The following SPAG16 variants were observed in gnomAD, a reference collection of about 807,000 sequenced individuals.
The protein encoded by SPAG16 is sperm-associated antigen 16 protein.
A neutral mutation model predicts 80.4 loss-of-function variants in SPAG16; 86 were observed. That is an observed-to-expected ratio of 1.07 (90% confidence interval 0.90 to 1.28). The LOEUF (loss-of-function observed/expected upper bound fraction) is 1.28, where lower values mean the gene tolerates loss of function less well. Among genes scored for constraint, SPAG16 ranks in the 50% most tolerant of loss-of-function variants. The pLI is 0.00. For synonymous variants in SPAG16, 294 were observed against 265.9 expected, an observed-to-expected ratio of 1.11 and a Z score of -1.03; for missense variants, 870 against 765.3, an observed-to-expected ratio of 1.14 and a Z score of -1.61.
At chr2:214,399,996 C>A (rs909901245) in intron 15 of SPAG16, among the ~76,000 whole-genome samples, 2 of 152,054 alleles carry the variant, frequency 1.3e-5, no homozygotes, top group African/African-American at 4.8e-5. Flanking sequence ...TTAATGAAAG[C>A]AGGTGGCTGT....
At chr2:213,524,834 A>T (rs1372364915) in intron 10 of SPAG16, among the ~76,000 whole-genome samples, 2 of 152,172 alleles carry the variant, frequency 1.3e-5, no homozygotes, top group Non-Finnish European at 2.9e-5. Context: ...CTTGTCTAAG[A>T]AGAGACTTTG....
chr2:213,797,038 A>G (rs2071084650), intron 10 of SPAG16, among the ~76,000 whole-genome samples: 1 of 99,828 alleles, frequency 1.0e-5, no homozygotes, highest in Non-Finnish European at 2.5e-5. Context: ...GTTTTTAACA[A>G]AAAAATTAAA....
intron 10 of SPAG16, among the ~76,000 whole-genome samples, chr2:213,796,858 G>A (rs2071068707): frequency 6.6e-6 from 1 of 151,914 alleles, no homozygotes; most frequent in Admixed American, 6.6e-5. Context: ...TCTCAGGCAG[G>A]TCCTTCAGGA....
At chr2:214,302,979 CT>C (rs1316400872) in intron 15 of SPAG16, among the ~76,000 whole-genome samples, 1 of 152,112 alleles carries the variant, frequency 6.6e-6, no homozygotes, top group Non-Finnish European at 1.5e-5. Context: ...TATGATACAG[CT>C]TTTTCTACCA....
chr2:213,467,912 G>A (rs527470605), intron 9 of SPAG16, among the ~76,000 whole-genome samples: 9 of 152,294 alleles, frequency 5.9e-5, no homozygotes, highest in African/African-American at 1.9e-4. Context: ...GGGATTCTGG[G>A]TTTTTAAGCC....
intron 9 of SPAG16, among the ~76,000 whole-genome samples, chr2:213,417,876 A>ATTTT (rs5838381): frequency 6.8e-6 from 1 of 146,588 alleles, no homozygotes; most frequent in Non-Finnish European, 1.5e-5. Context: ...TTGTGTTTCA[A>ATTTT]TTTTTTTTTT....
chr2:213,897,685 G>A (rs2077050614), intron 11 of SPAG16, among the ~76,000 whole-genome samples: 2 of 152,048 alleles, frequency 1.3e-5, no homozygotes, highest in Admixed American at 6.6e-5. Context: ...CTCATCACAC[G>A]CGGTGCTAAT....
chr2:214,233,404 G>T, intron 15 of SPAG16, among the ~76,000 whole-genome samples: 1 of 151,590 alleles, frequency 6.6e-6, no homozygotes, highest in East Asian at 1.9e-4. Context: ...TGGATGGATG[G>T]ATACATAGAT....
chr2:213,762,061 A>G (rs1056129139), intron 10 of SPAG16, among the ~76,000 whole-genome samples: 2 of 152,214 alleles, frequency 1.3e-5, no homozygotes, highest in African/African-American at 4.8e-5. Context: ...AAAGTCGATC[A>G]ATGAAATACA....
intron 13 of SPAG16, among the ~76,000 whole-genome samples, chr2:214,061,268 G>T (rs1218175362): frequency 1.3e-5 from 2 of 152,156 alleles, no homozygotes; most frequent in African/African-American, 4.8e-5. Flanking sequence ...ATGGTGCTGG[G>T]AATTATGCGT....
At chr2:214,248,095 A>G (rs1689980755) in intron 15 of SPAG16, among the ~76,000 whole-genome samples, 1 of 151,944 alleles carries the variant, frequency 6.6e-6, no homozygotes, top group Admixed American at 6.6e-5. Flanking sequence ...AAAACACAAA[A>G]TAGAGCAATC....
At position 214,326,224 on chromosome 2, in the gene SPAG16, GACAAA is replaced by G. The variant is rs146102797; in HGVS notation, c.1721-83912_1721-83908del. The stretch of plus-strand genomic sequence containing the variant: ...TAACCTTATATGAGACAGAAAAGGA[GACAAA>G]ACAGAACAGAAGAGGAGGCAATGTG... On this transcript the variant is annotated intron_variant, in intron 15 of 15. Transcript: ENST00000331683. Among the ~76,000 whole-genome samples the G allele has an allele frequency of 9.2e-3, 1,396 of 152,246 alleles. 21 individuals are homozygous for G. The highest frequency in any genetic ancestry group is 0.032 in the African/African-American group (1,315 of 41,530).
At chr2:213,966,979 T>A (rs1438913108) in intron 12 of SPAG16, among the ~76,000 whole-genome samples, 1 of 152,210 alleles carries the variant, frequency 6.6e-6, no homozygotes. Context: ...GCAGGTCACA[T>A]GCAGCTCTGA....
intron 15 of SPAG16, among the ~76,000 whole-genome samples, chr2:214,231,082 C>T (rs1368661663): frequency 1.3e-5 from 2 of 151,998 alleles, no homozygotes; most frequent in Middle Eastern, 3.4e-3. Flanking sequence ...TGTAATAATG[C>T]TTGGTGTCCT....
rs541840064 is a variant in SPAG16 at position 214,110,977 on chromosome 2, A to AT, written c.1593+2726dup. 1.4e-4 allele frequency among the ~76,000 whole-genome samples: 20 copies of AT among 147,272 alleles called. 1 individual carries two copies. The highest frequency in any genetic ancestry group is 4.3e-4 in the South Asian group (2 of 4,662). On this transcript the variant is annotated intron_variant, in intron 14 of 15. Coordinates refer to ENST00000331683, the MANE Select transcript of SPAG16 (RefSeq NM_024532.5). ...TGTCCTTTGCCCACTTTTTGATGGG[A>AT]TTTTTTTTTTCCTAGTAAATTTGTT...
chr2:213,965,617 C>T (rs1185143460), intron 12 of SPAG16, among the ~76,000 whole-genome samples: 1 of 152,174 alleles, frequency 6.6e-6, no homozygotes, highest in Non-Finnish European at 1.5e-5. Flanking sequence ...TTAAGCGTTT[C>T]AATTTTTACT....
intron 15 of SPAG16, among the ~76,000 whole-genome samples, chr2:214,315,498 C>CTTTT (rs1303291459): frequency 4.1e-4 from 58 of 142,060 alleles, no homozygotes; most frequent in Admixed American, 1.1e-3. Context: ...CCAGCCCCAT[C>CTTTT]TTTTTTATTT....
chr2:214,028,775 G>A (rs1221925265), intron 13 of SPAG16, among the ~76,000 whole-genome samples: 1 of 151,972 alleles, frequency 6.6e-6, no homozygotes, highest in Non-Finnish European at 1.5e-5. Flanking sequence ...ATGTATGTGT[G>A]TATATATTTG....
At chr2:214,389,433 G>A (rs1398456416) in intron 15 of SPAG16, among the ~76,000 whole-genome samples, 4 of 152,158 alleles carry the variant, frequency 2.6e-5, no homozygotes, top group African/African-American at 9.7e-5. Flanking sequence ...AATGTATGAT[G>A]GTAGTTCTAG....
Sources: allele counts gnomAD v4.1 joint callset (sites outside exome capture counted in the v4.1 genomes callset), GRCh38; gene constraint gnomAD v4.1.1; transcripts MANE v1.5; gene names NCBI Gene and HGNC (gene_info 2026-07-23, HGNC 2026-07-21).